PCSK5: variants seen among roughly 807,000 people sequenced by gnomAD.
PCSK5 encodes prohormone convertase 5.
Under a neutral mutation model 233.2 loss-of-function variants are expected in PCSK5, and 129 were observed. That is an observed-to-expected ratio of 0.55 (90% CI 0.48 to 0.64). The LOEUF is 0.64. Ranked by LOEUF, PCSK5 falls within the 30% of genes least tolerant of loss-of-function variation. The pLI is 0.00. For synonymous variants in PCSK5, 825 were observed against 879.2 expected (o/e 0.94, Z 1.09); for missense variants, 2,076 against 2,430.1 (o/e 0.85, Z 3.06).
At chr9:76,317,109 A>G (rs940051988) in intron 30 of PCSK5, among the ~76,000 whole-genome samples, 1 of 152,110 alleles carries the variant, frequency 6.6e-6, no homozygotes, top group Non-Finnish European at 1.5e-5. Context: ...AGTGGCTCAC[A>G]CATGTAACTG....
intron 2 of PCSK5, among the ~76,000 whole-genome samples, chr9:75,960,399 CTG>C (rs1297275898): frequency 6.6e-6 from 1 of 152,132 alleles, no homozygotes; most frequent in African/African-American, 2.4e-5. Flanking sequence ...ATCCAAAACT[CTG>C]TGGGCAGTTA....
chr9:76,132,011 A>G (rs1450302661), intron 9 of PCSK5, among the ~76,000 whole-genome samples: 1 of 152,108 alleles, frequency 6.6e-6, no homozygotes, highest in East Asian at 1.9e-4. Flanking sequence ...CTGCTTTACC[A>G]TAAATAAGTG....
At chr9:76,307,494 G>C (rs1828738060) in intron 28 of PCSK5, among the ~76,000 whole-genome samples, 2 of 152,162 alleles carry the variant, frequency 1.3e-5, no homozygotes, top group Non-Finnish European at 2.9e-5. Flanking sequence ...TATTGACTGA[G>C]TGATGTCTTG....
chr9:75,949,060 C>T (rs900319914), intron 2 of PCSK5, among the ~76,000 whole-genome samples: 2 of 149,764 alleles, frequency 1.3e-5, no homozygotes, highest in East Asian at 1.9e-4. Flanking sequence ...GAAAACTTAT[C>T]ACTAACACAT....
At chr9:75,991,409 G>A (rs1185691576) in intron 3 of PCSK5, among the ~76,000 whole-genome samples, 1 of 152,122 alleles carries the variant, frequency 6.6e-6, no homozygotes, top group Non-Finnish European at 1.5e-5. Flanking sequence ...AAGGTTATGT[G>A]AGCACAGCCT....
intron 30 of PCSK5, among the ~76,000 whole-genome samples, chr9:76,321,131 A>T (rs1054761872): frequency 1.3e-5 from 2 of 152,050 alleles, no homozygotes; most frequent in African/African-American, 4.8e-5. Flanking sequence ...TATCTTTTTA[A>T]GGAATAGCGT....
At position 75,978,869 on chromosome 9, in the gene PCSK5, C is replaced by CTTTTTTTTTTTTTTTTTTTTTTTTTTTTT. The variant is rs5898441; in HGVS notation, c.298-7253_298-7252insTTTTTTTTTTTTTTTTTTTTTTTTTTTTT. Among the ~76,000 whole-genome samples, 2 of 128,044 alleles carry CTTTTTTTTTTTTTTTTTTTTTTTTTTTTT rather than the reference C, an allele frequency of 1.6e-5. 1 individual carries two copies. The allele number at this position is 128,044 out of a possible 152,430, so 84.0% of individuals were successfully genotyped here. ...TTTTAGGCTTTGTTTGAATGTTTCC[C>CTTTTTTTTTTTTTTTTTTTTTTTTTTTTT]TTTTTTTTTTCTTTTTTTCTGAGAT... On this transcript the variant is annotated intron_variant, in intron 2 of 37. Transcript: ENST00000674117.
intron 27 of PCSK5, among the ~76,000 whole-genome samples, chr9:76,300,987 T>C (rs573370278): frequency 4.6e-5 from 7 of 152,210 alleles, no homozygotes; most frequent in African/African-American, 1.7e-4. Context: ...AAAGCAATAT[T>C]TGGGGCCATG....
At chr9:76,265,922 A>T (rs1363955567) in intron 24 of PCSK5, among the ~76,000 whole-genome samples, 2 of 152,204 alleles carry the variant, frequency 1.3e-5, no homozygotes, top group African/African-American at 4.8e-5. Context: ...AAAATTGCCC[A>T]ATTCTCTTTG....
intron 8 of PCSK5, 86 bp downstream of exon 8, chr9:76,096,188 T>TACAC (rs142997056): frequency 0.046 from 30,329 of 654,166 alleles, 469 homozygotes; most frequent in African/African-American, 0.1. Context: ...CATATATATA[T>TACAC]ATACACACAC....
chr9:76,239,241 T>C, intron 23 of PCSK5, 76 bp downstream of exon 23: 2 of 1,216,378 alleles, frequency 1.6e-6, no homozygotes, highest in Non-Finnish European at 2.4e-6. Context: ...CCTGGAGACT[T>C]GAATTGCCTT....
intron 33 of PCSK5, among the ~76,000 whole-genome samples, chr9:76,328,975 A>ATTTTTTTTTTTTTTTT (rs59466685): frequency 1.0e-3 from 126 of 123,670 alleles, no homozygotes; most frequent in African/African-American, 1.5e-3. Context: ...CTCCCGGCTA[A>ATTTTTTTTTTTTTTTT]TTTTTTTTTT....
chr9:76,119,147 A>G (rs747760171), intron 9 of PCSK5, among the ~76,000 whole-genome samples: 2 of 152,078 alleles, frequency 1.3e-5, no homozygotes, highest in Non-Finnish European at 2.9e-5. Context: ...ATTGAATTTC[A>G]AAAGTGTGTT....
chr9:76,144,328 A>G (rs1311596213), intron 10 of PCSK5, among the ~76,000 whole-genome samples: 2 of 152,236 alleles, frequency 1.3e-5, no homozygotes, highest in Non-Finnish European at 2.9e-5. Context: ...AGTAGAAGAT[A>G]TGTATCCAGC....
chr9:76,357,893 CATGTTGGCCCAG>C (rs1830341485), intron 37 of PCSK5, among the ~76,000 whole-genome samples: 3 of 152,270 alleles, frequency 2.0e-5, no homozygotes, highest in African/African-American at 7.2e-5. Context: ...GTGGGACAGT[CATGTTGGCCCAG>C]ACTTAAGGGT....
intron 12 of PCSK5, among the ~76,000 whole-genome samples, chr9:76,166,391 A>G (rs1410399251): frequency 7.0e-6 from 1 of 142,934 alleles, no homozygotes; most frequent in African/African-American, 2.5e-5. Flanking sequence ...CAGTCAGTTT[A>G]TATTTAATTT....
At chr9:76,073,057 T>C (rs1353856213) in intron 7 of PCSK5, among the ~76,000 whole-genome samples, 1 of 152,240 alleles carries the variant, frequency 6.6e-6, no homozygotes, top group South Asian at 2.1e-4. Context: ...ACCTAGACAG[T>C]GCATTGCATT....
At chr9:76,299,266 C>A (rs960441501) in intron 27 of PCSK5, among the ~76,000 whole-genome samples, 4 of 152,308 alleles carry the variant, frequency 2.6e-5, no homozygotes, top group African/African-American at 9.6e-5. Flanking sequence ...TCTGTTTTTT[C>A]AGCCACCAAA....
chr9:76,116,472 A>G lies in PCSK5; in HGVS notation c.1208+9121A>G, dbSNP rs76300434. Among the ~76,000 whole-genome samples, 356 of 152,218 alleles carry G rather than the reference A, an allele frequency of 2.3e-3. 3 individuals carry two copies. The highest frequency in any genetic ancestry group is 7.9e-3 in the African/African-American group (329 of 41,548). ...TGTGACACCTGGTAGTATCATCCCTACCAGTAAAGACTGTAGTACATCAGA... is the reference window on the plus strand; with the variant it reads ...TGTGACACCTGGTAGTATCATCCCTGCCAGTAAAGACTGTAGTACATCAGA... On this transcript the variant is annotated intron_variant, in intron 9 of 37. Transcript: ENST00000674117.
Sources: gnomAD v4.1 joint callset for allele counts (sites outside exome capture counted in the v4.1 genomes callset) on GRCh38, gnomAD v4.1.1 for gene constraint, MANE v1.5 for transcripts, NCBI Gene and HGNC (gene_info 2026-07-23, HGNC 2026-07-21) for gene names.